The following UBTD1 variants were observed in gnomAD, a reference collection of about 807,000 sequenced individuals.
UBTD1 encodes the protein ubiquitin domain containing 1, also known as ubiquitin domain-containing protein 1.
Under a neutral mutation model 21.7 loss-of-function variants are expected in UBTD1, and 19 were observed. The ratio of observed to expected loss-of-function variants is 0.87; its 90% CI spans 0.61 to 1.28. UBTD1 has a LOEUF of 1.28. Ranked by LOEUF, UBTD1 falls within the 50% of genes most tolerant of loss-of-function variation. The pLI is 0.00. For missense variants in UBTD1, 282 were observed against 315.1 expected, an observed-to-expected ratio of 0.89 and a Z score of 0.80; for synonymous variants, 116 against 135.1, an observed-to-expected ratio of 0.86 and a Z score of 0.98.
intron 1 of UBTD1, among the ~76,000 whole-genome samples, chr10:97,564,705 A>G (rs2040709420): frequency 6.6e-6 from 1 of 152,190 alleles, no homozygotes; most frequent in Non-Finnish European, 1.5e-5. Flanking sequence ...CTGGGATTAC[A>G]GGTGCCTGCT....
intron 1 of UBTD1, among the ~76,000 whole-genome samples, chr10:97,530,694 G>A (rs571842943): frequency 2.0e-4 from 31 of 152,114 alleles, no homozygotes; most frequent in Admixed American, 5.2e-4. Context: ...AAACAGGATC[G>A]TGGACATCAT....
intron 1 of UBTD1, among the ~76,000 whole-genome samples, chr10:97,559,824 A>G (rs757084950): frequency 6.6e-6 from 1 of 152,198 alleles, no homozygotes; most frequent in African/African-American, 2.4e-5. Flanking sequence ...ATGTTTACAC[A>G]CAGAATTTTC....
intron 1 of UBTD1, among the ~76,000 whole-genome samples, chr10:97,514,527 TAGCATCAGGAC>T (rs2040436211): frequency 6.6e-6 from 1 of 152,200 alleles, no homozygotes; most frequent in Non-Finnish European, 1.5e-5. Context: ...AGCGGAGGAC[TAGCATCAGGAC>T]AGCTCCACGT....
chr10:97,548,668 T>C (rs2040622031), intron 1 of UBTD1, among the ~76,000 whole-genome samples: 1 of 152,096 alleles, frequency 6.6e-6, no homozygotes, highest in Admixed American at 6.5e-5. Flanking sequence ...TCCCAGCTAC[T>C]TGGGAGGCTG....
intron 1 of UBTD1, among the ~76,000 whole-genome samples, chr10:97,506,979 A>C (rs1283962224): frequency 6.6e-6 from 1 of 152,212 alleles, no homozygotes; most frequent in Non-Finnish European, 1.5e-5. Flanking sequence ...GGGTGTGCAA[A>C]CCAGGAGCAA....
intron 1 of UBTD1, among the ~76,000 whole-genome samples, chr10:97,515,497 T>C (rs956155460): frequency 1.3e-5 from 2 of 152,150 alleles, no homozygotes; most frequent in African/African-American, 4.8e-5. Flanking sequence ...ACCAACTGAA[T>C]CCAGCTTAAG....
At chr10:97,554,401 C>T (rs909098921) in intron 1 of UBTD1, among the ~76,000 whole-genome samples, 1 of 151,944 alleles carries the variant, frequency 6.6e-6, no homozygotes, top group African/African-American at 2.4e-5. Flanking sequence ...TGCCCACCAC[C>T]ACTCCCAGAT....
chr10:97,563,836 G>A (rs1264459132), intron 1 of UBTD1, among the ~76,000 whole-genome samples: 1 of 152,154 alleles, frequency 6.6e-6, no homozygotes, highest in Non-Finnish European at 1.5e-5. Flanking sequence ...TAAAGATAGG[G>A]TAAGGAAGAA....
At chr10:97,511,555 C>T (rs1027320696) in intron 1 of UBTD1, among the ~76,000 whole-genome samples, 9 of 152,178 alleles carry the variant, frequency 5.9e-5, no homozygotes, top group African/African-American at 2.2e-4. Context: ...TTTGTGACAA[C>T]CTTCATGGAT....
intron 1 of UBTD1, among the ~76,000 whole-genome samples, chr10:97,528,682 C>G (rs1360915680): frequency 4.5e-5 from 2 of 44,366 alleles, no homozygotes; most frequent in African/African-American, 1.6e-4. Context: ...TGACCCCCCC[C>G]ACCTCCCTCC....
At chr10:97,499,634 G>T (rs1416926111) in intron 1 of UBTD1, among the ~76,000 whole-genome samples, 3 of 152,178 alleles carry the variant, frequency 2.0e-5, no homozygotes, top group Non-Finnish European at 4.4e-5. Flanking sequence ...GGCCCGTCGG[G>T]GCACGGCGCG....
At chr10:97,508,609 G>A (rs1163514671) in intron 1 of UBTD1, among the ~76,000 whole-genome samples, 1 of 151,894 alleles carries the variant, frequency 6.6e-6, no homozygotes, top group Non-Finnish European at 1.5e-5. Context: ...ATGGAAAGAA[G>A]CTGGTAGGTC....
At chr10:97,533,914 C>G (rs964987078) in intron 1 of UBTD1, among the ~76,000 whole-genome samples, 1 of 147,220 alleles carries the variant, frequency 6.8e-6, no homozygotes, top group Admixed American at 6.7e-5. Context: ...CAAAGCAAGA[C>G]TCCATCTCAA....
chr10:97,560,850 G>A (rs1025390638), intron 1 of UBTD1, among the ~76,000 whole-genome samples: 14 of 151,954 alleles, frequency 9.2e-5, no homozygotes, highest in African/African-American at 3.4e-4. Flanking sequence ...CAAAAAACAG[G>A]TAAAAAGGGC....
intron 1 of UBTD1, among the ~76,000 whole-genome samples, chr10:97,534,577 G>GCACACACA (rs1325135188): frequency 0.017 from 1,469 of 88,436 alleles, 13 homozygotes; most frequent in East Asian, 0.041. Context: ...ACACGCGCGC[G>GCACACACA]CGCACACACA....
At chr10:97,568,427 T>A (rs1257463726) in intron 2 of UBTD1, among the ~76,000 whole-genome samples, 2 of 152,132 alleles carry the variant, frequency 1.3e-5, no homozygotes, top group African/African-American at 2.4e-5. Flanking sequence ...TTATTTTATT[T>A]TTTTTTTTGA....
At chr10:97,502,335 G>A (rs1478968679) in intron 1 of UBTD1, among the ~76,000 whole-genome samples, 3 of 152,154 alleles carry the variant, frequency 2.0e-5, no homozygotes, top group African/African-American at 7.2e-5. Flanking sequence ...ACTCCACAGT[G>A]CACCTGGCAT....
chr10:97,526,275 T>TGGC (rs1170990837), intron 1 of UBTD1, among the ~76,000 whole-genome samples: 1 of 152,208 alleles, frequency 6.6e-6, no homozygotes, highest in Non-Finnish European at 1.5e-5. Flanking sequence ...ACAAGAACCT[T>TGGC]AAAACTATCC....
At position 97,499,193 on chromosome 10, in the gene UBTD1, G is replaced by A; in HGVS notation, c.-11G>A. The A allele has an allele frequency of 6.5e-7, 1 of 1,539,854 alleles. No individual in the cohort carries two copies. The highest frequency in any genetic ancestry group is 8.8e-7 in the Non-Finnish European group (1 of 1,142,482). On this transcript the variant is annotated 5_prime_UTR_variant, in exon 1 of 3. An upstream open reading frame in the 5' UTR loses its in-frame stop. Coordinates refer to ENST00000370664, the MANE Select transcript of UBTD1 (RefSeq NM_024954.5). ...CGCCTCCGGTGCATGGGGACTGGCT[G>A]AGGAGCCAGCATGGGCAACTGCGTG...
Sources: gnomAD v4.1 joint callset for allele counts (sites outside exome capture counted in the v4.1 genomes callset) on GRCh38, gnomAD v4.1.1 for gene constraint, MANE v1.5 for transcripts, NCBI Gene and HGNC (gene_info 2026-07-23, HGNC 2026-07-21) for gene names.